NECTIN1: variants seen among roughly 807,000 people sequenced by gnomAD.
NECTIN1 encodes nectin-1.
A neutral mutation model predicts 48.0 loss-of-function variants in NECTIN1; 23 were observed. That is an observed-to-expected ratio of 0.48 (90% CI 0.34 to 0.68). The LOEUF (loss-of-function observed/expected upper bound fraction) is 0.68, where lower values mean the gene tolerates loss of function less well. Ranked by LOEUF, NECTIN1 falls within the 30% of genes least tolerant of loss-of-function variation. The pLI, the probability that NECTIN1 is intolerant of heterozygous loss-of-function variation, is 0.01. For synonymous variants in NECTIN1, 270 were observed against 288.9 expected, an observed-to-expected ratio of 0.93 and a Z score of 0.66; for missense variants, 591 against 709.9, an observed-to-expected ratio of 0.83 and a Z score of 1.90.
At chr11:119,655,361 A>T (rs1229879874) in intron 5 of NECTIN1, among the ~76,000 whole-genome samples, 1 of 152,172 alleles carries the variant, frequency 6.6e-6, no homozygotes, top group African/African-American at 2.4e-5. Flanking sequence ...AATAAAAAAC[A>T]TTCTACACCA....
chr11:119,641,683 C>G (rs1401887463), intron 5 of NECTIN1: 1 of 152,586 alleles, frequency 6.6e-6, no homozygotes, highest in African/African-American at 2.4e-5. Context: ...GGTTCCTCCT[C>G]TGGACTTCCC....
intron 5 of NECTIN1, chr11:119,674,260 G>A: frequency 9.2e-7 from 1 of 1,086,450 alleles, no homozygotes; most frequent in Non-Finnish European, 1.2e-6. Context: ...CGGTCACCCT[G>A]TCACCCTGCA....
Position 119,664,890 on chromosome 11 carries a change from C to T in NECTIN1, c.1411G>A (p.Val471Met), listed in dbSNP as rs771356689. 1.2e-5 allele frequency: 19 copies of T among 1,613,914 alleles called. No homozygotes were observed. The highest frequency in any genetic ancestry group is 3.3e-5 in the South Asian group (3 of 91,078). ...TCCTGACGGGCCTCGGCCTCATCCA[C>T]GGTGAAGTAGGGCCGCTTGGCGTCC... is the stretch of plus-strand genomic sequence containing the variant. ...DEDAKRPYFT[V>M]DEAEARQDGY... Residue 471 changes from valine (V) to methionine (M), a missense_variant, in exon 6 of 6, where the codon GTG (valine) becomes ATG (methionine). Physicochemically the swap from Val to Met is conservative, Grantham distance 21 (BLOSUM62 1). Transcript: ENST00000264025.
In NECTIN1 at chr11:119,665,266, A is replaced by G. The variant is rs1591449375; in HGVS notation, c.1035T>C (p.His345=). The change falls in exon 6 of 6, where the codon CAT becomes CAC. Residue 345 remains histidine (H), a synonymous_variant. Transcript: ENST00000264025. This position sits in a 1 kb window ranked among gnomAD's most constrained non-coding sequence, Gnocchi z 5.1. ...TGGGCACCGGCCCGGCGCGCCGCCC[A>G]TGTTCGGGAGGAGACGGGGTGTAGG... ...EFPYTPSPPE[H]GRRAGPVPTA... 1 of 1,580,912 alleles carries G rather than the reference A, an allele frequency of 6.3e-7. No homozygotes were observed. The highest frequency in any genetic ancestry group is 1.7e-5 in the Admixed American group (1 of 59,240).
At chr11:119,724,356 C>T (rs954525359) in intron 1 of NECTIN1, among the ~76,000 whole-genome samples, 1 of 152,112 alleles carries the variant, frequency 6.6e-6, no homozygotes, top group African/African-American at 2.4e-5. Context: ...AGAAGGCTGA[C>T]AAGAGAGGAA....
At chr11:119,726,444 C>T (rs1022598760) in intron 1 of NECTIN1, among the ~76,000 whole-genome samples, 2 of 152,206 alleles carry the variant, frequency 1.3e-5, no homozygotes, top group South Asian at 2.1e-4. Flanking sequence ...TGCATGGATG[C>T]TACCCATCAG....
chr11:119,657,715 C>T (rs1023496643), downstream of NECTIN1, among the ~76,000 whole-genome samples: 21 of 143,536 alleles, frequency 1.5e-4, no homozygotes, highest in Non-Finnish European at 2.4e-4. Context: ...GCCTGGGTAA[C>T]ATAGGGAGAC....
chr11:119,665,309 A>T lies in NECTIN1; in HGVS notation c.1004-12T>A. The T allele has an allele frequency of 6.3e-7, 1 of 1,576,866 alleles. No homozygotes were observed. The highest frequency in any genetic ancestry group is 8.6e-7 in the Non-Finnish European group (1 of 1,166,756). ...GGTGTAGGGGAATTCTGGGTGAGGA[A>T]AAGAGATGGAGGGGACAGCATCAGC... On this transcript the variant is annotated splice_polypyrimidine_tract_variant and intron_variant, in intron 5 of 5. Transcript: ENST00000264025. The surrounding 1 kb of genome is among the most constrained non-coding windows in gnomAD (Gnocchi z 5.1).
intron 1 of NECTIN1, among the ~76,000 whole-genome samples, chr11:119,682,968 C>T (rs10790332): frequency 0.34 from 52,181 of 152,136 alleles, 9,730 homozygotes; most frequent in East Asian, 0.48. Flanking sequence ...ACCTGTACCC[C>T]TTTATTTTCT....
chr11:119,661,574 C>T lies in NECTIN1; in HGVS notation c.*3173G>A, dbSNP rs76459888. ...AGAGGGGACATCCGTGTCTGCTTGG[C>T]TCAGCAGAGCTGCCCACACCCACCT... On this transcript the variant is annotated 3_prime_UTR_variant, in exon 6 of 6. Transcript: ENST00000264025. 1,851 of 985,872 alleles carry T rather than the reference C, an allele frequency of 1.9e-3. 28 individuals carry two copies. The East Asian group carries it at 0.055, about 29-fold the overall frequency. The allele number at this position is 985,872 out of a possible 1,614,324, so 61.1% of individuals were successfully genotyped here.
At chr11:119,702,204 C>A (rs1232737652) in intron 1 of NECTIN1, among the ~76,000 whole-genome samples, 1 of 152,210 alleles carries the variant, frequency 6.6e-6, no homozygotes, top group East Asian at 1.9e-4. Context: ...CCTCCCCCTG[C>A]CCCACTCACC....
chr11:119,675,474 G>A (rs1191047778), intron 4 of NECTIN1, 164 bp from the exon 5 acceptor site: 1 of 678,634 alleles, frequency 1.5e-6, no homozygotes, highest in East Asian at 2.8e-5. Context: ...TCTTTCACTT[G>A]GTAGTTTTAT....
rs188936128 is a variant in NECTIN1 at position 119,665,107 on chromosome 11, G to A, written c.1194C>T (p.Asn398=). The A allele has an allele frequency of 4.6e-5, 74 of 1,614,038 alleles. No homozygotes were observed. Among genetic ancestry groups the A allele is most frequent in the African/African-American group, 2.7e-4 (20 of 75,010 alleles). Residue 398 remains asparagine, a synonymous_variant, in exon 6 of 6, where the codon AAC becomes AAT. Transcript: ENST00000264025. The surrounding 1 kb of genome is among the most constrained non-coding windows in gnomAD (Gnocchi z 5.1). ...DYSTKKHVYG[N]GYSKAGIPQH... Reference sequence around the variant, plus strand: ...GGGGGATGCCTGCCTTGCTGTAGCCGTTGCCATACACGTGCTTCTTGGTGC... The same window carrying A: ...GGGGGATGCCTGCCTTGCTGTAGCCATTGCCATACACGTGCTTCTTGGTGC...
In NECTIN1 at chr11:119,664,279, C is replaced by T; in HGVS notation, c.*468G>A. On this transcript the variant is annotated 3_prime_UTR_variant, in exon 6 of 6. Transcript: ENST00000264025. ...GATTTCACTGGTGGGTGTTGGGTTCCCTCTAGCCGGGAGGAGGAGCAGCAT... is the reference window on the plus strand; with the variant it reads ...GATTTCACTGGTGGGTGTTGGGTTCTCTCTAGCCGGGAGGAGGAGCAGCAT... 1 of 997,348 alleles carries T rather than the reference C, an allele frequency of 1.0e-6. No individual in the cohort carries two copies. The highest frequency in any genetic ancestry group is 1.2e-6 in the Non-Finnish European group (1 of 836,798). 61.8% of individuals were successfully genotyped at this position (997,348 alleles called of 1,614,324 possible).
chr11:119,639,905 T>C, exon 6 of NECTIN1: 1 of 1,614,104 alleles, frequency 6.2e-7, no homozygotes, highest in Non-Finnish European at 8.5e-7. Context: ...TGCTGCCGGT[T>C]GTACAGGAAG....
In NECTIN1 at chr11:119,648,063, C is replaced by CAA. The variant is rs55695982; in HGVS notation, c.1004-8053_1004-8052dup. 8.9e-3 allele frequency among the ~76,000 whole-genome samples: 385 copies of CAA among 43,088 alleles called. 44 individuals carry two copies. Among genetic ancestry groups the CAA allele is most frequent in the East Asian group, 0.015 (15 of 982 alleles). The allele number at this position is 43,088 out of a possible 152,430, so 28.3% of individuals were successfully genotyped here. On this transcript the variant is annotated intron_variant, in intron 5 of 7. Transcript: ENST00000341398. ...TGGGTGACAGAGTGAGACACCGTCTCAAAAAAAAAAAAAAAAAAAAAAAAA... is the reference window on the plus strand; with the variant it reads ...TGGGTGACAGAGTGAGACACCGTCTCAAAAAAAAAAAAAAAAAAAAAAAAAAA...
At position 119,648,292 on chromosome 11, in the gene NECTIN1, GTGGTGGTGGTGGTGA is replaced by G. The variant is rs1565376490; in HGVS notation, c.1004-8295_1004-8281del. Among the ~76,000 whole-genome samples the G allele has an allele frequency of 4.7e-4, 9 of 19,260 alleles. 1 individual carries two copies. The highest frequency in any genetic ancestry group is 1.4e-3 in the Admixed American group (2 of 1,382). 12.6% of individuals were successfully genotyped at this position (19,260 alleles called of 152,430 possible). A position where few individuals can be genotyped will look rare whatever the true frequency, so the allele number is the denominator to read the frequency against. ...GGTGGTGGTGATGGTGGTGGTGATGGTGGTGGTGGTGGTGATGGTGGTGATGGTGATGGTGGTGAT... is the reference window on the plus strand; with the variant it reads ...GGTGGTGGTGATGGTGGTGGTGATGGTGGTGGTGATGGTGATGGTGGTGAT... On this transcript the variant is annotated intron_variant, in intron 5 of 7. Coordinates refer to the NECTIN1 transcript ENST00000341398.
rs1157680247 is a variant in NECTIN1, at chr11:119,727,715, G to T, written c.79+760C>A. 6.6e-6 allele frequency among the ~76,000 whole-genome samples: 1 copy of T among 152,180 alleles called. No homozygotes were observed. Among genetic ancestry groups the T allele is most frequent in the African/African-American group, 2.4e-5 (1 of 41,438 alleles). On this transcript the variant is annotated intron_variant, in intron 1 of 5. Coordinates refer to ENST00000264025, the MANE Select transcript of NECTIN1 (RefSeq NM_002855.5). The surrounding 1 kb of genome is among the most constrained non-coding windows in gnomAD (Gnocchi z 4.1). ...TTAACCCCTCGGCTGCCGGCAGCCC[G>T]CACCTCGAGGAAGGACACGCGGGGC...
downstream of NECTIN1, chr11:119,660,984 C>T (rs1343475585): frequency 1.0e-6 from 1 of 973,668 alleles, no homozygotes; most frequent in African/African-American, 1.8e-5. Flanking sequence ...TGATGGGATG[C>T]AAACCAGTTT....
Sources: gnomAD v4.1 joint callset for allele counts (sites outside exome capture counted in the v4.1 genomes callset) on GRCh38, gnomAD v4.1.1 for gene constraint, Gnocchi (gnomAD v3.1) non-coding constraint, MANE v1.5 for transcripts, NCBI Gene and HGNC (gene_info 2026-07-23, HGNC 2026-07-21) for gene names.